PLCB1: variants seen among roughly 807,000 people sequenced by gnomAD.
The protein encoded by PLCB1 is 1-phosphatidylinositol 4,5-bisphosphate phosphodiesterase beta-1.
PLCB1 carries 46 observed loss-of-function variants against 161.8 expected under a neutral mutation model. The observed-to-expected ratio is 0.28, with a 90% CI of 0.22 to 0.36. The LOEUF is 0.36. Among genes scored for constraint, PLCB1 ranks in the 10% least tolerant of loss-of-function variants. The pLI is 1.00. For missense variants in PLCB1, 1,016 were observed against 1,472.5 expected (o/e 0.69, Z 5.07); for synonymous variants, 517 against 503.7 (o/e 1.03, Z -0.35).
intron 31 of PLCB1, among the ~76,000 whole-genome samples, chr20:8,834,009 A>G (rs939388747): frequency 4.7e-4 from 72 of 152,322 alleles, no homozygotes; most frequent in Middle Eastern, 3.4e-3. Flanking sequence ...ATCAAAAGCA[A>G]CATTTGAACT....
intron 7 of PLCB1, chr20:8,649,735 G>C (rs866648905): frequency 4.6e-5 from 20 of 431,644 alleles, no homozygotes; most frequent in Middle Eastern, 6.4e-4. Context: ...GAAGACTTTT[G>C]CCAGATGTGC....
chr20:8,804,848 G>A (rs1029977814), intron 31 of PLCB1, among the ~76,000 whole-genome samples: 9 of 151,802 alleles, frequency 5.9e-5, no homozygotes, highest in African/African-American at 1.5e-4. Flanking sequence ...AAAATTAGCC[G>A]GGCGTGGTGG....
intron 25 of PLCB1, among the ~76,000 whole-genome samples, chr20:8,761,359 T>C (rs1982015829): frequency 6.6e-6 from 1 of 152,206 alleles, no homozygotes; most frequent in South Asian, 2.1e-4. Flanking sequence ...TTGACCTAAG[T>C]GATGGATATT....
intron 3 of PLCB1, among the ~76,000 whole-genome samples, chr20:8,381,516 T>C (rs1048496134): frequency 1.3e-5 from 2 of 152,226 alleles, no homozygotes; most frequent in Non-Finnish European, 2.9e-5. Context: ...TCAGAAGGAA[T>C]GGTACCAGCT....
intron 3 of PLCB1, among the ~76,000 whole-genome samples, chr20:8,432,303 G>T (rs985898270): frequency 6.6e-6 from 1 of 152,176 alleles, no homozygotes; most frequent in African/African-American, 2.4e-5. Flanking sequence ...GCTGCAAACA[G>T]CACCAACTCC....
intron 3 of PLCB1, among the ~76,000 whole-genome samples, chr20:8,375,019 T>A (rs1274336970): frequency 6.6e-6 from 1 of 152,188 alleles, no homozygotes; most frequent in Non-Finnish European, 1.5e-5. Flanking sequence ...GTTACCCTGT[T>A]TATGAATTTA....
At chr20:8,740,504 AC>A in intron 22 of PLCB1, 56 bp downstream of exon 22, 1 of 1,006,328 alleles carries the variant, frequency 9.9e-7, no homozygotes, top group Non-Finnish European at 1.4e-6. Context: ...TGTCTGAGTC[AC>A]CATATATTTT....
chr20:8,362,165 T>G (rs1383199174), intron 2 of PLCB1, among the ~76,000 whole-genome samples: 1 of 152,162 alleles, frequency 6.6e-6, no homozygotes, highest in African/African-American at 2.4e-5. Context: ...ATATAAGAAC[T>G]GGAAAAATAA....
intron 3 of PLCB1, among the ~76,000 whole-genome samples, chr20:8,424,003 C>T (rs1221298269): frequency 6.6e-6 from 1 of 152,116 alleles, no homozygotes; most frequent in Non-Finnish European, 1.5e-5. Flanking sequence ...TTGTGTTTTA[C>T]CAAGACTGCC....
At chr20:8,452,184 C>G (rs1420317011) in intron 3 of PLCB1, among the ~76,000 whole-genome samples, 1 of 152,160 alleles carries the variant, frequency 6.6e-6, no homozygotes, top group African/African-American at 2.4e-5. Context: ...TGTTCCAATG[C>G]CTCTGCTAAG....
chr20:8,825,413 T>C (rs1362577557), intron 31 of PLCB1, among the ~76,000 whole-genome samples: 1 of 152,060 alleles, frequency 6.6e-6, no homozygotes, highest in African/African-American at 2.4e-5. Context: ...ACTAGGTAAA[T>C]GGTATAAGGT....
chr20:8,581,599 A>G (rs1986835090), intron 3 of PLCB1, among the ~76,000 whole-genome samples: 1 of 152,160 alleles, frequency 6.6e-6, no homozygotes, highest in Admixed American at 6.5e-5. Context: ...AGTATTAAAC[A>G]TGTAGCACTT....
At chr20:8,182,975 G>A (rs977325151) in intron 2 of PLCB1, among the ~76,000 whole-genome samples, 1 of 69,082 alleles carries the variant, frequency 1.4e-5, no homozygotes, top group African/African-American at 6.9e-5. Flanking sequence ...GACTCTTCTG[G>A]TTAAAAAAGA....
chr20:8,684,236 AT>A (rs772158293), intron 9 of PLCB1, among the ~76,000 whole-genome samples: 10 of 144,872 alleles, frequency 6.9e-5, no homozygotes, highest in Non-Finnish European at 1.2e-4. Context: ...TAAATTATTT[AT>A]TTATTTATTT....
intron 3 of PLCB1, among the ~76,000 whole-genome samples, chr20:8,381,589 G>T (rs1987255248): frequency 6.6e-6 from 1 of 152,048 alleles, no homozygotes; most frequent in East Asian, 1.9e-4. Context: ...TTTTTTGGTT[G>T]GTAGGCTATT....
At chr20:8,713,075 G>T (rs1979106984) in intron 12 of PLCB1, among the ~76,000 whole-genome samples, 1 of 152,172 alleles carries the variant, frequency 6.6e-6, no homozygotes, top group South Asian at 2.1e-4. Context: ...GGGTGTGCAT[G>T]TTTATTGAGA....
At chr20:8,293,903 A>G (rs576788804) in intron 2 of PLCB1, among the ~76,000 whole-genome samples, 16 of 152,272 alleles carry the variant, frequency 1.1e-4, no homozygotes, top group South Asian at 4.1e-4. Context: ...GACTAGAGAA[A>G]GGGCGGGTCT....
intron 4 of PLCB1, among the ~76,000 whole-genome samples, chr20:8,631,617 C>T (rs1029592478): frequency 1.3e-5 from 2 of 152,176 alleles, no homozygotes; most frequent in Non-Finnish European, 2.9e-5. Flanking sequence ...TCCTAGAGCC[C>T]TCTGGGTGCC....
chr20:8,644,867 C>T (rs997813607), intron 4 of PLCB1, among the ~76,000 whole-genome samples: 7 of 151,934 alleles, frequency 4.6e-5, no homozygotes, highest in Non-Finnish European at 7.4e-5. Context: ...ATGACAATGG[C>T]GGTTTTGTGG....
Sources: gnomAD v4.1 joint callset for allele counts (sites outside exome capture counted in the v4.1 genomes callset) on GRCh38, gnomAD v4.1.1 for gene constraint, MANE v1.5 for transcripts, NCBI Gene and HGNC (gene_info 2026-07-23, HGNC 2026-07-21) for gene names.